The following MBD5 variants were observed in gnomAD, a reference collection of about 807,000 sequenced individuals.
MBD5 encodes methyl-CpG-binding domain protein 5.
MBD5 carries 13 observed loss-of-function variants against 117.3 expected under a neutral mutation model. The observed-to-expected ratio is 0.11, with a 90% CI of 0.07 to 0.18. The LOEUF (loss-of-function observed/expected upper bound fraction) is 0.18, where lower values mean the gene tolerates loss of function less well. Ranked by LOEUF, MBD5 falls within the 10% of genes least tolerant of loss-of-function variation. MBD5 has a pLI of 1.00. For synonymous variants in MBD5, 727 were observed against 766.4 expected (o/e 0.95, Z 0.85); for missense variants, 1,879 against 2,093.8 (o/e 0.90, Z 2.00).
chr2:148,144,343 A>T (rs1313262312), intron 1 of MBD5, among the ~76,000 whole-genome samples: 3 of 151,550 alleles, frequency 2.0e-5, no homozygotes, highest in Admixed American at 1.3e-4. Flanking sequence ...GATTCTGGAT[A>T]TTAGCCCTTT....
intron 4 of MBD5, among the ~76,000 whole-genome samples, chr2:148,372,542 A>G (rs1703883305): frequency 6.6e-6 from 1 of 152,074 alleles, no homozygotes; most frequent in African/African-American, 2.4e-5. Flanking sequence ...ATCCTTATGT[A>G]AAGGACAGTA....
intron 10 of MBD5, among the ~76,000 whole-genome samples, chr2:148,486,617 A>T (rs1681348940): frequency 6.6e-6 from 1 of 152,230 alleles, no homozygotes; most frequent in African/African-American, 2.4e-5. Flanking sequence ...CACCTACAAC[A>T]TAAAAAGAGC....
intron 1 of MBD5, among the ~76,000 whole-genome samples, chr2:148,056,719 A>C (rs1694875333): frequency 6.6e-6 from 1 of 151,974 alleles, no homozygotes; most frequent in Non-Finnish European, 1.5e-5. Flanking sequence ...TCTGTTTAGG[A>C]AGTGAGATTG....
chr2:148,188,512 C>A (rs1395214531), intron 2 of MBD5, among the ~76,000 whole-genome samples: 1 of 151,734 alleles, frequency 6.6e-6, no homozygotes, highest in East Asian at 1.9e-4. Context: ...ATAATGAGAC[C>A]CTGTATCTAC....
chr2:148,431,259 G>T lies in MBD5; in HGVS notation c.-556-26944G>T, dbSNP rs532785821. On this transcript the variant is annotated intron_variant, in intron 4 of 13. Coordinates refer to ENST00000642680, the MANE Select transcript of MBD5 (RefSeq NM_001378120.1). ...CACTTTTTATACTTGTATTTCATCAGTTTACAAAATATTTTATTAAATTTC... is the reference window on the plus strand; with the variant it reads ...CACTTTTTATACTTGTATTTCATCATTTTACAAAATATTTTATTAAATTTC... 4.6e-5 allele frequency among the ~76,000 whole-genome samples: 7 copies of T among 151,990 alleles called. No homozygotes were observed. In the East Asian group the frequency reaches 1.4e-3, roughly 29 times the overall value.
At position 148,490,236 on chromosome 2, in the gene MBD5, G is replaced by A; in HGVS notation, c.4604G>A (p.Gly1535Glu). 3 of 1,614,200 alleles carry A rather than the reference G, an allele frequency of 1.9e-6. No homozygotes were observed. Among genetic ancestry groups the A allele is most frequent in the South Asian group, 1.1e-5 (1 of 91,078 alleles). The change falls in exon 11 of 14, where the codon GGA (glycine) becomes GAA (glutamate). Residue 1535 changes from glycine (G) to glutamate (E), a missense_variant. This residue lies in a region of MBD5 where 1,666 missense variants were observed against 1,792.2 expected (regional missense o/e 0.93). Coordinates refer to ENST00000642680, the MANE Select transcript of MBD5 (RefSeq NM_001378120.1). Reference sequence around the variant, plus strand: ...AGACCTCGACAGAGTCGGGGATTTGGAGAGCTGCTAAGCACTGCAAAGCAA... The same window carrying A: ...AGACCTCGACAGAGTCGGGGATTTGAAGAGCTGCTAAGCACTGCAAAGCAA... ...GNRPRQSRGF[G>E]ELLSTAKQDL... is the part of the protein sequence containing the mutation.
Position 148,321,435 on chromosome 2 carries a change from A to T in MBD5, c.-679-20779A>T, listed in dbSNP as rs531585498. ...CATGCATTGAACAAGCTTGTTATAG[A>T]CATTTGAATTGTGTCCTGTCATGCA... On this transcript the variant is annotated intron_variant, in intron 3 of 13. Coordinates refer to ENST00000642680, the MANE Select transcript of MBD5 (RefSeq NM_001378120.1). Among the ~76,000 whole-genome samples the T allele has an allele frequency of 2.6e-5, 4 of 152,264 alleles. No homozygotes were observed. In the East Asian group the frequency reaches 7.7e-4, roughly 29 times the overall value.
At chr2:148,074,310 G>A (rs917833434) in intron 1 of MBD5, among the ~76,000 whole-genome samples, 5 of 151,906 alleles carry the variant, frequency 3.3e-5, no homozygotes, top group African/African-American at 1.2e-4. Flanking sequence ...TCTTTCCTTT[G>A]TAAAACTCTA....
rs545323793 is a variant in MBD5, at chr2:148,486,100, C to G, written c.3753+150C>G. 10 of 761,136 alleles carry G rather than the reference C, an allele frequency of 1.3e-5. No individual in the cohort carries two copies. In the African/African-American group the frequency reaches 1.7e-4, roughly 13 times the overall value. 47.1% of individuals were successfully genotyped at this position (761,136 alleles called of 1,614,324 possible). A position where few individuals can be genotyped will look rare whatever the true frequency, so the allele number is the denominator to read the frequency against. On this transcript the variant is annotated intron_variant, in intron 10 of 13. Transcript: ENST00000642680. ...TCAGTCATGAGTATTGTTAAACATT[C>G]CAGTCTTTTGTGTGAAGGTTTTCTT...
intron 1 of MBD5, among the ~76,000 whole-genome samples, chr2:148,034,710 C>T (rs966700496): frequency 6.6e-6 from 1 of 152,102 alleles, no homozygotes; most frequent in Non-Finnish European, 1.5e-5. Flanking sequence ...AAAAATTTAA[C>T]GTGAAGAATA....
intron 3 of MBD5, among the ~76,000 whole-genome samples, chr2:148,324,637 TC>T (rs1702391462): frequency 6.6e-6 from 1 of 152,004 alleles, no homozygotes; most frequent in African/African-American, 2.4e-5. Context: ...TCTCTGTTTG[TC>T]TGTTGTTGGT....
intron 1 of MBD5, among the ~76,000 whole-genome samples, chr2:148,090,347 AG>A: frequency 6.6e-6 from 1 of 152,260 alleles, no homozygotes; most frequent in Admixed American, 6.5e-5. Flanking sequence ...CTATGAAGCC[AG>A]TATCATCCTA....
intron 2 of MBD5, among the ~76,000 whole-genome samples, chr2:148,215,688 A>ATTTTT: frequency 7.6e-6 from 1 of 132,028 alleles, no homozygotes; most frequent in East Asian, 2.2e-4. Context: ...TGCCCGGCTA[A>ATTTTT]TTTTTTTTTT....
rs866481383 is a variant in MBD5, at chr2:148,307,984, C to T, written c.-679-34230C>T. Reference sequence around the variant, plus strand: ...AAGGACATTAACTCACTTTTTTTTACAGCTGCATAGTATTCCATGGTGTAT... The same window carrying T: ...AAGGACATTAACTCACTTTTTTTTATAGCTGCATAGTATTCCATGGTGTAT... On this transcript the variant is annotated intron_variant, in intron 3 of 13. Transcript: ENST00000642680. Among the ~76,000 whole-genome samples, 4 of 152,102 alleles carry T rather than the reference C, an allele frequency of 2.6e-5. No individual in the cohort carries two copies. In the South Asian group the frequency reaches 6.2e-4, roughly 24 times the overall value.
At chr2:148,038,075 A>G (rs1430255885) in intron 1 of MBD5, among the ~76,000 whole-genome samples, 1 of 151,708 alleles carries the variant, frequency 6.6e-6, no homozygotes, top group African/African-American at 2.4e-5. Context: ...ATCCAAGGTT[A>G]TATAACAACT....
chr2:148,096,516 T>A (rs1231808255), intron 1 of MBD5, among the ~76,000 whole-genome samples: 1 of 152,174 alleles, frequency 6.6e-6, no homozygotes, highest in Non-Finnish European at 1.5e-5. Context: ...CTTGAGGCCA[T>A]ACAACTACTG....
chr2:148,497,199 AT>A (rs1269582847), intron 11 of MBD5, among the ~76,000 whole-genome samples: 1 of 151,862 alleles, frequency 6.6e-6, no homozygotes, highest in Non-Finnish European at 1.5e-5. Context: ...ATTTACTTAA[AT>A]TTTTTCTTTA....
chr2:148,255,671 C>T (rs1312948937), intron 3 of MBD5, among the ~76,000 whole-genome samples: 2 of 152,194 alleles, frequency 1.3e-5, no homozygotes, highest in Non-Finnish European at 2.9e-5. Context: ...AAGAAAGCCT[C>T]CACCAGGGCC....
chr2:148,331,371 A>AT (rs59953469), intron 3 of MBD5, among the ~76,000 whole-genome samples: 3,686 of 147,022 alleles, frequency 0.025, 93 homozygotes, highest in African/African-American at 0.059. Flanking sequence ...ATCATTTTCC[A>AT]TTTTTTTTTT....
Sources: gnomAD v4.1 joint callset for allele counts (sites outside exome capture counted in the v4.1 genomes callset) on GRCh38, gnomAD v4.1.1 for gene constraint, gnomAD v4.1.1 regional missense constraint, MANE v1.5 for transcripts, NCBI Gene and HGNC (gene_info 2026-07-23, HGNC 2026-07-21) for gene names.